The following MVB12B variants were observed in gnomAD, a reference collection of about 807,000 sequenced individuals.
MVB12B encodes the protein ESCRT-I complex subunit MVB12B.
A neutral mutation model predicts 41.6 loss-of-function variants in MVB12B; 16 were observed. The ratio of observed to expected loss-of-function variants is 0.38; its 90% CI spans 0.26 to 0.58. The LOEUF (loss-of-function observed/expected upper bound fraction) is 0.58. Ranked by LOEUF, MVB12B falls within the 20% of genes least tolerant of loss-of-function variation. MVB12B has a pLI of 0.62. For missense variants in MVB12B, 274 were observed against 380.2 expected, an observed-to-expected ratio of 0.72 and a Z score of 2.32; for synonymous variants, 133 against 139.7, an observed-to-expected ratio of 0.95 and a Z score of 0.34.
At chr9:126,439,110 C>CACCAG (rs1044414422) in intron 7 of MVB12B, among the ~76,000 whole-genome samples, 9 of 152,142 alleles carry the variant, frequency 5.9e-5, no homozygotes, top group Non-Finnish European at 1.2e-4. Context: ...AATACACTTC[C>CACCAG]ACCAGCAACA....
intron 1 of MVB12B, chr9:126,335,440 C>G (rs1044509541): frequency 7.7e-7 from 1 of 1,298,894 alleles, no homozygotes; most frequent in African/African-American, 1.5e-5. Flanking sequence ...AAGGAGGTGG[C>G]TGGGTTTGTG....
At chr9:126,353,034 A>C (rs1829794777) in intron 2 of MVB12B, among the ~76,000 whole-genome samples, 1 of 152,188 alleles carries the variant, frequency 6.6e-6, no homozygotes, top group Admixed American at 6.5e-5. Flanking sequence ...GGATTATGCA[A>C]ATCAGGAAGA....
In MVB12B at chr9:126,505,271, T is replaced by C. The variant is rs888337425; in HGVS notation, c.*2008T>C. The stretch of plus-strand genomic sequence containing the variant: ...CTCAGAGGCAGTGGTGTGGGAGCCC[T>C]GTCTGCAAGGACGCAGAATAAGCAG... On this transcript the variant is annotated 3_prime_UTR_variant, in exon 10 of 10. Coordinates refer to ENST00000361171, the MANE Select transcript of MVB12B (RefSeq NM_033446.3). The C allele has an allele frequency of 6.6e-6, 1 of 152,204 alleles. No individual in the cohort carries two copies. Among genetic ancestry groups the C allele is most frequent in the Non-Finnish European group, 1.5e-5 (1 of 68,028 alleles). 9.4% of individuals were successfully genotyped at this position (152,204 alleles called of 1,614,324 possible).
chr9:126,462,214 C>T (rs1313015903), intron 7 of MVB12B, among the ~76,000 whole-genome samples: 2 of 152,220 alleles, frequency 1.3e-5, no homozygotes, highest in Non-Finnish European at 2.9e-5. Flanking sequence ...ATGACATACA[C>T]ATCCCATTAG....
At position 126,480,058 on chromosome 9, in the gene MVB12B, G is replaced by A. The variant is rs891693806; in HGVS notation, c.758-1311G>A. The stretch of plus-strand genomic sequence containing the variant: ...GTCATCATTCCAGGAGACACTGGGG[G>A]AAGCAAAGATTGTTGGTCCCAGGAG... On this transcript the variant is annotated intron_variant, in intron 7 of 9. Coordinates refer to ENST00000361171, the MANE Select transcript of MVB12B (RefSeq NM_033446.3). The surrounding 1 kb of genome is among the most constrained non-coding windows in gnomAD (Gnocchi z 4.9). Among the ~76,000 whole-genome samples, 2 of 152,204 alleles carry A rather than the reference G, an allele frequency of 1.3e-5. No homozygotes were observed. Among genetic ancestry groups the A allele is most frequent in the African/African-American group, 4.8e-5 (2 of 41,440 alleles).
At position 126,431,458 on chromosome 9, in the gene MVB12B, C is replaced by T. The variant is rs79807716; in HGVS notation, c.757+9510C>T. On this transcript the variant is annotated intron_variant, in intron 7 of 9. Coordinates refer to ENST00000361171, the MANE Select transcript of MVB12B (RefSeq NM_033446.3). ...AGTGCCTGGGGGGCTGATTTCTGCTCTAGGCTTTCATTTCTGCTTTTCCTG... is the reference window on the plus strand; with the variant it reads ...AGTGCCTGGGGGGCTGATTTCTGCTTTAGGCTTTCATTTCTGCTTTTCCTG... Among the ~76,000 whole-genome samples the T allele has an allele frequency of 4.7e-3, 715 of 152,336 alleles. 4 individuals carry two copies. The highest frequency in any genetic ancestry group is 0.017 in the African/African-American group (691 of 41,564).
chr9:126,453,762 GACAC>G (rs776459368), intron 7 of MVB12B, among the ~76,000 whole-genome samples: 2 of 152,214 alleles, frequency 1.3e-5, no homozygotes, highest in East Asian at 1.9e-4. Flanking sequence ...TCTTGCATGT[GACAC>G]ACAGCCTCAC....
chr9:126,380,734 C>A (rs1470000065), intron 2 of MVB12B, among the ~76,000 whole-genome samples: 2 of 152,224 alleles, frequency 1.3e-5, no homozygotes, highest in African/African-American at 4.8e-5. Flanking sequence ...ACCATCCCCC[C>A]GAGTAAGTGG....
intron 7 of MVB12B, among the ~76,000 whole-genome samples, chr9:126,427,223 G>A (rs1272537714): frequency 6.6e-6 from 1 of 152,134 alleles, no homozygotes; most frequent in Non-Finnish European, 1.5e-5. Context: ...ATATATCCAT[G>A]TATTGGGGGG....
chr9:126,455,175 A>AT (rs200679380), intron 7 of MVB12B, among the ~76,000 whole-genome samples: 8 of 150,862 alleles, frequency 5.3e-5, no homozygotes, highest in African/African-American at 2.0e-4. Flanking sequence ...ATTTTATTTT[A>AT]TTTTTTATTT....
In MVB12B at chr9:126,392,329, T is replaced by C; in HGVS notation, c.539+134T>C. The C allele has an allele frequency of 9.6e-7, 1 of 1,039,702 alleles. No individual in the cohort carries two copies. Among genetic ancestry groups the C allele is most frequent in the East Asian group, 2.5e-5 (1 of 40,380 alleles). The allele number at this position is 1,039,702 out of a possible 1,614,324, so 64.4% of individuals were successfully genotyped here. A position where few individuals can be genotyped will look rare whatever the true frequency, so the allele number is the denominator to read the frequency against. On this transcript the variant is annotated intron_variant, in intron 5 of 9. Transcript: ENST00000361171. The surrounding 1 kb of genome is among the most constrained non-coding windows in gnomAD (Gnocchi z 4.8). ...CCATGGGCCTCTGTCAGCCCAGTGCTCCTCGCTGCCCTTCCTGCTCAGCTG... is the reference window on the plus strand; with the variant it reads ...CCATGGGCCTCTGTCAGCCCAGTGCCCCTCGCTGCCCTTCCTGCTCAGCTG...
intron 2 of MVB12B, among the ~76,000 whole-genome samples, chr9:126,348,562 T>TC (rs1829660663): frequency 6.6e-6 from 1 of 152,256 alleles, no homozygotes; most frequent in Non-Finnish European, 1.5e-5. Context: ...AATGACTTGT[T>TC]CCGTAGTTGA....
chr9:126,375,963 G>A (rs1377965150), intron 2 of MVB12B, among the ~76,000 whole-genome samples: 1 of 152,026 alleles, frequency 6.6e-6, no homozygotes, highest in Non-Finnish European at 1.5e-5. Flanking sequence ...TTCGTTTTGG[G>A]GTGGGTCTTT....
intron 2 of MVB12B, among the ~76,000 whole-genome samples, chr9:126,349,159 G>C (rs1477376741): frequency 6.6e-6 from 1 of 152,116 alleles, no homozygotes; most frequent in South Asian, 2.1e-4. Context: ...AGTTAGGATT[G>C]ATTAAGTTTG....
chr9:126,450,243 G>A (rs1304780178), intron 7 of MVB12B, among the ~76,000 whole-genome samples: 1 of 152,184 alleles, frequency 6.6e-6, no homozygotes, highest in Non-Finnish European at 1.5e-5. Flanking sequence ...GCTCCCAGGT[G>A]GGCGGTGGGC....
At chr9:126,348,205 T>C (rs1829651012) in intron 2 of MVB12B, among the ~76,000 whole-genome samples, 2 of 152,188 alleles carry the variant, frequency 1.3e-5, no homozygotes, top group African/African-American at 2.4e-5. Flanking sequence ...TAAGCTGAGA[T>C]TTACTGAAAT....
chr9:126,471,143 C>G (rs547269755), intron 7 of MVB12B, among the ~76,000 whole-genome samples: 1 of 152,308 alleles, frequency 6.6e-6, no homozygotes, highest in South Asian at 2.1e-4. Context: ...CCTGCAGAAA[C>G]AGCTGCTTTC....
At position 126,392,917 on chromosome 9, in the gene MVB12B, A is replaced by G. The variant is rs1347468385; in HGVS notation, c.539+722A>G. Among the ~76,000 whole-genome samples, 5 of 152,236 alleles carry G rather than the reference A, an allele frequency of 3.3e-5. No homozygotes were observed. The highest frequency in any genetic ancestry group is 1.2e-4 in the African/African-American group (5 of 41,452). On this transcript the variant is annotated intron_variant, in intron 5 of 9. Coordinates refer to ENST00000361171, the MANE Select transcript of MVB12B (RefSeq NM_033446.3). This position sits in a 1 kb window ranked among gnomAD's most constrained non-coding sequence, Gnocchi z 4.8. ...AGGGCGAGGGTTGGCAGGACCTCCT[A>G]GGACATGGCCTGGAGTTTATTCCAA...
intron 1 of MVB12B, among the ~76,000 whole-genome samples, chr9:126,336,146 G>A (rs1829268811): frequency 6.6e-6 from 1 of 152,216 alleles, no homozygotes; most frequent in African/African-American, 2.4e-5. Flanking sequence ...CCCACACCCC[G>A]CTGCTGGAAG....
Sources: gnomAD v4.1 joint callset for allele counts (sites outside exome capture counted in the v4.1 genomes callset) on GRCh38, gnomAD v4.1.1 for gene constraint, Gnocchi (gnomAD v3.1) non-coding constraint, MANE v1.5 for transcripts, NCBI Gene and HGNC (gene_info 2026-07-23, HGNC 2026-07-21) for gene names.